Variants in C2orf78 observed in about 807,000 individuals in gnomAD.
The protein encoded by C2orf78 is uncharacterized protein C2orf78.
A neutral mutation model predicts 21.4 loss-of-function variants in C2orf78; 12 were observed. That is an observed-to-expected ratio of 0.56 (90% CI 0.36 to 0.91). C2orf78 has a LOEUF of 0.91. C2orf78 is among the 40% of genes least tolerant of loss of function. C2orf78 has a pLI of 0.01. For missense variants in C2orf78, 1,042 were observed against 1,092.4 expected, an observed-to-expected ratio of 0.95 and a Z score of 0.65; for synonymous variants, 396 against 413.9, an observed-to-expected ratio of 0.96 and a Z score of 0.52.
At chr2:73,816,975 T>G (rs865779725) in exon 3 of C2orf78, 1 of 1,609,464 alleles carries the variant, frequency 6.2e-7, no homozygotes, top group Admixed American at 1.7e-5. Context: ...TGCTGAATAC[T>G]ATGGCTACAC....
chr2:73,785,944 G>C (rs895689879), intron 1 of C2orf78, among the ~76,000 whole-genome samples: 8 of 151,942 alleles, frequency 5.3e-5, no homozygotes, highest in African/African-American at 1.9e-4. Flanking sequence ...TACTTGGGAG[G>C]CTGAGGCAGG....
rs1553373237 is a variant in C2orf78, at chr2:73,814,235, A to G, written c.847+9A>G. The G allele has an allele frequency of 1.3e-6, 2 of 1,544,064 alleles. No individual in the cohort carries two copies. Among genetic ancestry groups the G allele is most frequent in the Non-Finnish European group, 8.7e-7 (1 of 1,144,306 alleles). ...AGAAACCAGTGTTCAAGGTGAGTAC[A>G]AACATCAAGAAAGGAGAGGAATAAT... On this transcript the variant is annotated intron_variant, in intron 2 of 2. Coordinates refer to ENST00000409561, the Ensembl canonical transcript of C2orf78.
chr2:73,815,578 A>T (rs1268063477), exon 3 of C2orf78: 1 of 1,613,800 alleles, frequency 6.2e-7, no homozygotes, highest in Non-Finnish European at 8.5e-7. Context: ...GAGGATACTT[A>T]CCTCCCCCCG....
At chr2:73,792,754 C>T (rs1672949067) in intron 1 of C2orf78, among the ~76,000 whole-genome samples, 1 of 93,978 alleles carries the variant, frequency 1.1e-5, no homozygotes. Context: ...ACTGGATCCT[C>T]TTATGTGAGA....
intron 1 of C2orf78, chr2:73,808,599 C>T (rs1196819183): frequency 6.6e-6 from 1 of 150,724 alleles, no homozygotes; most frequent in Admixed American, 6.6e-5. Flanking sequence ...ACCACCTCTG[C>T]CAGCCAATCC....
intron 1 of C2orf78, among the ~76,000 whole-genome samples, chr2:73,784,748 G>GA (rs1468301996): frequency 1.3e-5 from 2 of 151,412 alleles, no homozygotes; most frequent in Non-Finnish European, 2.9e-5. Flanking sequence ...CAGAAACAGA[G>GA]AAAAAACCAA....
In C2orf78 at chr2:73,785,648, T is replaced by G. The variant is rs186347917; in HGVS notation, c.97+1242T>G. The stretch of plus-strand genomic sequence containing the variant: ...GGAAGGAAACAGGCTACATTACATA[T>G]CCCTAGGAAAAGCAGCTTATCAGAA... On this transcript the variant is annotated intron_variant, in intron 1 of 2. Coordinates refer to ENST00000409561, the Ensembl canonical transcript of C2orf78. Among the ~76,000 whole-genome samples the G allele has an allele frequency of 2.6e-4, 40 of 152,168 alleles. 2 individuals carry two copies. The East Asian group carries it at 7.7e-3, about 29-fold the overall frequency.
intron 2 of C2orf78, 82 bp from the exon 3 acceptor site, chr2:73,814,987 GGA>G: frequency 7.4e-7 from 1 of 1,358,936 alleles, no homozygotes. Flanking sequence ...TGCCCATGTT[GGA>G]AAGGTATCCG....
chr2:73,786,516 C>A (rs1301812251), intron 1 of C2orf78, among the ~76,000 whole-genome samples: 3 of 86,200 alleles, frequency 3.5e-5, no homozygotes, highest in Non-Finnish European at 4.6e-5. Flanking sequence ...GCAACTCAGC[C>A]CTAACTCATT....
At chr2:73,786,292 T>C (rs1414771919) in intron 1 of C2orf78, among the ~76,000 whole-genome samples, 3 of 151,442 alleles carry the variant, frequency 2.0e-5, no homozygotes, top group African/African-American at 7.3e-5. Flanking sequence ...GGCATCAGAA[T>C]TGCTTGAACC....
chr2:73,807,919 A>C (rs1216175835), intron 1 of C2orf78, among the ~76,000 whole-genome samples: 1 of 150,842 alleles, frequency 6.6e-6, no homozygotes, highest in Non-Finnish European at 1.5e-5. Flanking sequence ...TTGCTGTTCA[A>C]GTTACAAAAG....
At chr2:73,811,082 G>C (rs960742855) in intron 1 of C2orf78, among the ~76,000 whole-genome samples, 2 of 151,142 alleles carry the variant, frequency 1.3e-5, no homozygotes, top group Non-Finnish European at 2.9e-5. Context: ...CCTGAGGTCA[G>C]GAGTTCGAGA....
exon 3 of C2orf78, chr2:73,815,359 T>C (rs767215328): frequency 1.2e-6 from 2 of 1,613,980 alleles, no homozygotes; most frequent in Non-Finnish European, 1.7e-6. Flanking sequence ...CACCAGATCC[T>C]AATAGGAAAT....
chr2:73,813,974 C>T (rs1218236080), exon 2 of C2orf78: 1 of 1,613,944 alleles, frequency 6.2e-7, no homozygotes, highest in African/African-American at 1.3e-5. Context: ...TCAGCAGGGC[C>T]ATAACCTGTC....
intron 2 of C2orf78, among the ~76,000 whole-genome samples, chr2:73,814,498 C>A (rs970385947): frequency 6.6e-6 from 1 of 152,208 alleles, no homozygotes; most frequent in Non-Finnish European, 1.5e-5. Context: ...CTGATCACTT[C>A]CCCCACACTA....
At chr2:73,812,044 TG>T (rs1382611213) in intron 1 of C2orf78, among the ~76,000 whole-genome samples, 1 of 152,210 alleles carries the variant, frequency 6.6e-6, no homozygotes, top group African/African-American at 2.4e-5. Context: ...ACATACTTTT[TG>T]CTTCTTACAC....
intron 1 of C2orf78, among the ~76,000 whole-genome samples, chr2:73,786,189 A>G (rs572475611): frequency 9.9e-5 from 15 of 152,008 alleles, no homozygotes; most frequent in Admixed American, 2.0e-4. Context: ...AGACCAGCCT[A>G]GGCAACATGG....
At chr2:73,815,502 G>A (rs1190687151) in exon 3 of C2orf78, 3 of 1,613,902 alleles carry the variant, frequency 1.9e-6, no homozygotes, top group East Asian at 4.5e-5. Flanking sequence ...GAGTCTTGAG[G>A]ACCAAGGGAT....
At chr2:73,813,404 A>T (rs891016373) in intron 1 of C2orf78, 73 bp from the exon 2 acceptor site, 1 of 1,397,546 alleles carries the variant, frequency 7.2e-7, no homozygotes, top group African/African-American at 1.4e-5. Flanking sequence ...ACCTTAAGAT[A>T]ATGCTAGTCT....
Sources: allele counts gnomAD v4.1 joint callset (sites outside exome capture counted in the v4.1 genomes callset), GRCh38; gene constraint gnomAD v4.1.1; transcripts MANE v1.5; gene names NCBI Gene and HGNC (gene_info 2026-07-23, HGNC 2026-07-21).